VPS37A: variants seen among roughly 807,000 people sequenced by gnomAD.
The protein encoded by VPS37A is VPS37A subunit of ESCRT-I, also known as vacuolar protein sorting-associated protein 37A.
A neutral mutation model predicts 49.8 loss-of-function variants in VPS37A; 30 were observed. The observed-to-expected ratio is 0.60, with a 90% confidence interval of 0.45 to 0.82. The LOEUF is 0.82. Ranked by LOEUF, VPS37A falls within the 40% of genes least tolerant of loss-of-function variation. The pLI, the probability that VPS37A is intolerant of heterozygous loss-of-function variation, is 0.00. For missense variants in VPS37A, 593 were observed against 464.4 expected (o/e 1.28, Z -2.55); for synonymous variants, 195 against 160.6 (o/e 1.21, Z -1.62).
At chr8:17,253,109 G>A (rs1037940809) in intron 1 of VPS37A, among the ~76,000 whole-genome samples, 5 of 152,048 alleles carry the variant, frequency 3.3e-5, no homozygotes, top group Non-Finnish European at 7.4e-5. Flanking sequence ...ATATTAGTCC[G>A]TTACTGCTTT....
At chr8:17,268,785 A>C (rs1813710276) in intron 3 of VPS37A, 71 bp from the exon 4 acceptor site, 2 of 1,009,996 alleles carry the variant, frequency 2.0e-6, no homozygotes, top group African/African-American at 3.3e-5. Context: ...ATTTAGAGTG[A>C]CATTATCCTA....
intron 6 of VPS37A, among the ~76,000 whole-genome samples, chr8:17,279,541 C>T (rs932382621): frequency 6.6e-6 from 1 of 152,022 alleles, no homozygotes; most frequent in Non-Finnish European, 1.5e-5. Context: ...TGGTTCCTAT[C>T]AGGGAAATTT....
At chr8:17,300,177 C>T (rs766229376), downstream of VPS37A, 1 of 1,614,082 alleles carries the variant, frequency 6.2e-7, no homozygotes, top group Non-Finnish European at 8.5e-7. Context: ...TTTGCTTACT[C>T]TTCACCTTAG....
downstream of VPS37A, among the ~76,000 whole-genome samples, chr8:17,306,910 C>T (rs551237369): frequency 4.3e-4 from 54 of 126,082 alleles, no homozygotes; most frequent in Non-Finnish European, 5.9e-4. Context: ...AAGACTTAAA[C>T]GTTAGACCTA....
At chr8:17,260,184 T>C (rs867721895) in intron 1 of VPS37A, among the ~76,000 whole-genome samples, 1 of 152,192 alleles carries the variant, frequency 6.6e-6, no homozygotes, top group Non-Finnish European at 1.5e-5. Context: ...TTTGGTAGTA[T>C]GTTTTAATTT....
At chr8:17,307,722 T>A in the VPS37A span, among the ~76,000 whole-genome samples, 1 of 152,194 alleles carries the variant, frequency 6.6e-6, no homozygotes, top group Non-Finnish European at 1.5e-5. Context: ...AATGATGAGT[T>A]CATTTCCTTT....
downstream of VPS37A, among the ~76,000 whole-genome samples, chr8:17,303,862 G>A (rs1182464600): frequency 1.3e-5 from 2 of 152,032 alleles, no homozygotes; most frequent in Admixed American, 6.6e-5. Flanking sequence ...CACCCGCCTC[G>A]GCTAATACAT....
the VPS37A span, among the ~76,000 whole-genome samples, chr8:17,328,094 G>A: frequency 6.6e-6 from 1 of 152,172 alleles, no homozygotes; most frequent in African/African-American, 2.4e-5. Context: ...AAGGTAGGCA[G>A]GCACAAAGCT....
At chr8:17,271,954 A>T (rs377350406) in intron 4 of VPS37A, 1 of 455,964 alleles carries the variant, frequency 2.2e-6, no homozygotes, top group East Asian at 6.9e-5. Context: ...CATATTTAGC[A>T]GTTCTTTAAT....
At chr8:17,328,106 C>T in the VPS37A span, among the ~76,000 whole-genome samples, 3 of 152,182 alleles carry the variant, frequency 2.0e-5, no homozygotes, top group African/African-American at 7.2e-5. Context: ...CACAAAGCTA[C>T]TCGTGGGGAG....
In VPS37A at chr8:17,274,842, G is replaced by A. The variant is rs1346953622; in HGVS notation, c.526G>A (p.Ala176Thr). 3 of 1,613,884 alleles carry A rather than the reference G, an allele frequency of 1.9e-6. No individual in the cohort carries two copies. The highest frequency in any genetic ancestry group is 2.5e-6 in the Non-Finnish European group (3 of 1,180,016). The part of the protein sequence containing the change: ...ANRSITSLSV[A>T]DTVSSSTTSH... Reference sequence around the variant, plus strand: ...CAGGAGTATCACTTCTTTATCTGTTGCTGACACTGTTTCTTCTTCAACAAC... The same window carrying A: ...CAGGAGTATCACTTCTTTATCTGTTACTGACACTGTTTCTTCTTCAACAAC... Residue 176 changes from alanine (A) to threonine (T), a missense_variant, in exon 5 of 12, where the codon GCT becomes ACT. Coordinates refer to ENST00000324849, the MANE Select transcript of VPS37A (RefSeq NM_152415.3).
the VPS37A span, among the ~76,000 whole-genome samples, chr8:17,318,161 G>A: frequency 6.6e-6 from 1 of 152,144 alleles, no homozygotes; most frequent in Non-Finnish European, 1.5e-5. Context: ...CTGAGATGCT[G>A]AAACCCTGGG....
chr8:17,332,915 T>C, the VPS37A span, among the ~76,000 whole-genome samples: 1 of 152,182 alleles, frequency 6.6e-6, no homozygotes, highest in Non-Finnish European at 1.5e-5. Context: ...AAAGACAGCA[T>C]GGCAGGCGAC....
chr8:17,330,895 G>A, the VPS37A span, among the ~76,000 whole-genome samples: 1 of 152,174 alleles, frequency 6.6e-6, no homozygotes, highest in Non-Finnish European at 1.5e-5. Flanking sequence ...AAACATCCCT[G>A]TGCACTTTGA....
intron 1 of VPS37A, 95 bp from the exon 2 acceptor site, chr8:17,265,812 A>T: frequency 2.5e-6 from 4 of 1,595,502 alleles, no homozygotes; most frequent in Non-Finnish European, 2.6e-6. Flanking sequence ...GATTAAAAAT[A>T]AAGGTAGTTT....
chr8:17,272,793 A>G (rs1340516959), intron 4 of VPS37A, among the ~76,000 whole-genome samples: 1 of 152,146 alleles, frequency 6.6e-6, no homozygotes, highest in Non-Finnish European at 1.5e-5. Flanking sequence ...TCTAGGGGTC[A>G]TATATTCACC....
intron 5 of VPS37A, among the ~76,000 whole-genome samples, chr8:17,276,119 C>G (rs935246542): frequency 6.6e-6 from 1 of 152,014 alleles, no homozygotes; most frequent in Non-Finnish European, 1.5e-5. Context: ...AAATCTACAG[C>G]CATGTACTTA....
At chr8:17,280,004 A>T (rs1814890665) in intron 6 of VPS37A, 24 bp from the exon 7 acceptor site, 1 of 1,607,652 alleles carries the variant, frequency 6.2e-7, no homozygotes, top group Admixed American at 1.7e-5. Flanking sequence ...ATATTTATTG[A>T]CATTTTTTCT....
chr8:17,321,479 G>A, the VPS37A span, among the ~76,000 whole-genome samples: 2 of 152,212 alleles, frequency 1.3e-5, no homozygotes, highest in South Asian at 4.1e-4. Context: ...ACCACTGAGA[G>A]GGTGTTTTCT....
Sources: gnomAD v4.1 joint callset for allele counts (sites outside exome capture counted in the v4.1 genomes callset) on GRCh38, gnomAD v4.1.1 for gene constraint, MANE v1.5 for transcripts, NCBI Gene and HGNC (gene_info 2026-07-23, HGNC 2026-07-21) for gene names.